The following ELMO1 variants were observed in gnomAD, a reference collection of about 807,000 sequenced individuals.
The protein encoded by ELMO1 is engulfment and cell motility protein 1.
In ELMO1, 26 loss-of-function variants were observed where a neutral mutation model predicts 98.9. The ratio of observed to expected loss-of-function variants is 0.26; its 90% confidence interval spans 0.19 to 0.36. ELMO1 has a LOEUF of 0.36. Among genes scored for constraint, ELMO1 ranks in the 10% least tolerant of loss-of-function variants. The pLI is 1.00. For missense variants in ELMO1, 627 were observed against 935.2 expected, an observed-to-expected ratio of 0.67 and a Z score of 4.30; for synonymous variants, 346 against 346.0, an observed-to-expected ratio of 1.00 and a Z score of 0.00.
In ELMO1 at chr7:37,161,905, AATATAT is replaced by A. The variant is rs6150082; in HGVS notation, c.1087-28677_1087-28672del. On this transcript the variant is annotated intron_variant, in intron 13 of 21. Coordinates refer to ENST00000310758, the MANE Select transcript of ELMO1 (RefSeq NM_014800.11). ...ATTATAGAAAGCCTTCAGGTAATCA[AATATAT>A]ATATATATATATATATATATATATG... Among the ~76,000 whole-genome samples, 220 of 42,434 alleles carry A rather than the reference AATATAT, an allele frequency of 5.2e-3. 29 individuals are homozygous for A. Among genetic ancestry groups the A allele is most frequent in the South Asian group, 0.034 (37 of 1,086 alleles). 27.8% of individuals were successfully genotyped at this position (42,434 alleles called of 152,430 possible).
At chr7:37,013,178 C>T in intron 16 of ELMO1, 121 bp downstream of exon 16, 2 of 1,253,496 alleles carry the variant, frequency 1.6e-6, no homozygotes, top group South Asian at 1.5e-5. Context: ...AAGCAACTAT[C>T]ATTGCAATCT....
intron 15 of ELMO1, among the ~76,000 whole-genome samples, chr7:37,043,170 A>G (rs183515932): frequency 6.2e-4 from 94 of 152,232 alleles, no homozygotes; most frequent in African/African-American, 2.2e-3. Flanking sequence ...CTCCCTTCCA[A>G]TTACCACTAA....
intron 7 of ELMO1, among the ~76,000 whole-genome samples, chr7:37,239,565 G>T (rs1472004405): frequency 6.6e-6 from 1 of 152,178 alleles, no homozygotes; most frequent in East Asian, 1.9e-4. Flanking sequence ...CAGATGCTGA[G>T]ACTAAGTTAT....
intron 1 of ELMO1, among the ~76,000 whole-genome samples, chr7:37,442,581 C>T (rs1204103586): frequency 1.3e-5 from 2 of 152,200 alleles, no homozygotes; most frequent in Admixed American, 6.5e-5. Context: ...CATTCTAGCT[C>T]ATATGCTTCA....
chr7:37,175,789 G>A lies in ELMO1; in HGVS notation c.1086+35597C>T, dbSNP rs138594058. 6.6e-4 allele frequency among the ~76,000 whole-genome samples: 101 copies of A among 152,310 alleles called. 1 individual carries two copies. Among genetic ancestry groups the A allele is most frequent in the African/African-American group, 2.3e-3 (96 of 41,574 alleles). On this transcript the variant is annotated intron_variant, in intron 13 of 21. Transcript: ENST00000310758. ...TTGAACCCAGGAGGCGGAGGTTGCA[G>A]TGAGCCGAGATTGTACCACTGCACT...
intron 15 of ELMO1, among the ~76,000 whole-genome samples, chr7:37,016,252 A>G (rs1217584556): frequency 1.3e-5 from 2 of 152,208 alleles, no homozygotes; most frequent in African/African-American, 2.4e-5. Context: ...AAGTGACATC[A>G]TTAATAATTA....
At chr7:37,325,000 G>T (rs1320201298) in intron 2 of ELMO1, among the ~76,000 whole-genome samples, 1 of 152,130 alleles carries the variant, frequency 6.6e-6, no homozygotes, top group Non-Finnish European at 1.5e-5. Flanking sequence ...TGAGATAATG[G>T]TGTAAAATCC....
intron 14 of ELMO1, among the ~76,000 whole-genome samples, chr7:37,118,831 T>G (rs1785786236): frequency 6.6e-6 from 1 of 152,022 alleles, no homozygotes; most frequent in Non-Finnish European, 1.5e-5. Flanking sequence ...AAAAAGGCAA[T>G]CAAATTCTCT....
At chr7:37,007,007 C>T (rs560531791) in intron 16 of ELMO1, among the ~76,000 whole-genome samples, 10 of 151,726 alleles carry the variant, frequency 6.6e-5, no homozygotes, top group African/African-American at 2.2e-4. Flanking sequence ...ATAGGTAACA[C>T]TATCTTACAT....
intron 4 of ELMO1, among the ~76,000 whole-genome samples, chr7:37,290,452 A>G (rs776627597): frequency 7.9e-5 from 12 of 152,226 alleles, no homozygotes; most frequent in Non-Finnish European, 1.6e-4. Flanking sequence ...ATCTCAGTGT[A>G]TTTGCAGAAA....
At chr7:37,407,220 T>A (rs368459970) in intron 1 of ELMO1, among the ~76,000 whole-genome samples, 5 of 152,076 alleles carry the variant, frequency 3.3e-5, no homozygotes, top group Non-Finnish European at 7.4e-5. Context: ...TGAAAGAACA[T>A]GGATGAGGGT....
intron 10 of ELMO1, among the ~76,000 whole-genome samples, chr7:37,217,213 T>C (rs371174044): frequency 6.6e-6 from 1 of 151,944 alleles, no homozygotes; most frequent in South Asian, 2.1e-4. Context: ...ATCTGGGTGA[T>C]GCAAAGCTCT....
chr7:37,044,773 C>T (rs1020309741), intron 15 of ELMO1, among the ~76,000 whole-genome samples: 3 of 152,218 alleles, frequency 2.0e-5, no homozygotes, highest in African/African-American at 7.2e-5. Context: ...TCACAGAAAT[C>T]TCAAATGTAA....
intron 15 of ELMO1, among the ~76,000 whole-genome samples, chr7:37,059,877 C>T (rs1048209222): frequency 6.6e-6 from 1 of 152,166 alleles, no homozygotes; most frequent in African/African-American, 2.4e-5. Flanking sequence ...AAATGACTTG[C>T]CCAGGGGCAG....
chr7:37,140,308 C>T (rs1046114672), intron 13 of ELMO1, among the ~76,000 whole-genome samples: 4 of 151,812 alleles, frequency 2.6e-5, no homozygotes, highest in Non-Finnish European at 5.9e-5. Flanking sequence ...ATGGCGTGAA[C>T]CTGGGAGGCA....
At chr7:36,930,924 G>A (rs995833783) in intron 16 of ELMO1, among the ~76,000 whole-genome samples, 10 of 152,182 alleles carry the variant, frequency 6.6e-5, no homozygotes, top group Non-Finnish European at 1.2e-4. Flanking sequence ...GAGAACATGC[G>A]CACCTTCAGT....
intron 7 of ELMO1, among the ~76,000 whole-genome samples, chr7:37,237,410 C>T (rs1048897327): frequency 2.0e-5 from 3 of 152,088 alleles, no homozygotes; most frequent in Admixed American, 2.0e-4. Context: ...CTGCCTCAGC[C>T]TCCCAAGTAG....
chr7:37,030,141 A>G (rs1794798235), intron 15 of ELMO1, among the ~76,000 whole-genome samples: 1 of 152,134 alleles, frequency 6.6e-6, no homozygotes, highest in Non-Finnish European at 1.5e-5. Flanking sequence ...CTAAGGAGAG[A>G]CCATTTTAGA....
intron 2 of ELMO1, among the ~76,000 whole-genome samples, chr7:37,316,258 T>C (rs1799149680): frequency 6.6e-6 from 1 of 152,196 alleles, no homozygotes; most frequent in African/African-American, 2.4e-5. Context: ...AAATATAACT[T>C]TGTTCAAAGA....
Sources: allele counts gnomAD v4.1 joint callset (sites outside exome capture counted in the v4.1 genomes callset), GRCh38; gene constraint gnomAD v4.1.1; transcripts MANE v1.5; gene names NCBI Gene and HGNC (gene_info 2026-07-23, HGNC 2026-07-21).